Variants in SMG6 observed in about 807,000 individuals in gnomAD.
SMG6 encodes the protein SMG6 nonsense mediated mRNA decay factor, also known as telomerase-binding protein EST1A.
A neutral mutation model predicts 142.2 loss-of-function variants in SMG6; 66 were observed. That is an observed-to-expected ratio of 0.46 (90% CI 0.38 to 0.57). SMG6 has a LOEUF of 0.57. Among genes scored for constraint, SMG6 ranks in the 20% least tolerant of loss-of-function variants. SMG6 has a pLI of 0.00. For synonymous variants in SMG6, 779 were observed against 702.4 expected, an observed-to-expected ratio of 1.11 and a Z score of -1.72; for missense variants, 1,793 against 1,832.0, an observed-to-expected ratio of 0.98 and a Z score of 0.39.
rs753101952 is a variant in SMG6 at position 2,299,702 on chromosome 17, G to A, written c.1051C>T (p.Arg351Cys). The A allele has an allele frequency of 5.0e-6, 8 of 1,614,036 alleles. 1 individual carries two copies. Among genetic ancestry groups the A allele is most frequent in the African/African-American group, 2.7e-5 (2 of 74,918 alleles). Residue 351 changes from arginine (R) to cysteine (C), a missense_variant, in exon 2 of 19, where the codon CGT becomes TGT. Transcript: ENST00000263073. The surrounding 1 kb of genome is among the most constrained non-coding windows in gnomAD (Gnocchi z 4.3). ...NSAKEYRGTL[R>C]VTFDAEAMNK... ...ATGGCTTCTGCATCGAAAGTGACAC[G>A]AAGAGTGCCTCGATATTCTTTAGCA...
chr17:2,065,265 C>T (rs2067908008), intron 17 of SMG6, 111 bp from the exon 18 acceptor site: 12 of 1,051,942 alleles, frequency 1.1e-5, no homozygotes, highest in Non-Finnish European at 1.6e-5. Flanking sequence ...CTCCCCGATC[C>T]CTCCCATGCA....
At chr17:2,136,600 C>T (rs767020778) in intron 13 of SMG6, among the ~76,000 whole-genome samples, 5 of 152,088 alleles carry the variant, frequency 3.3e-5, no homozygotes, top group South Asian at 2.1e-4. Flanking sequence ...CACACGCATA[C>T]GCACACAGAG....
chr17:2,118,369 T>C (rs1229378234), intron 13 of SMG6, among the ~76,000 whole-genome samples: 1 of 152,060 alleles, frequency 6.6e-6, no homozygotes, highest in Non-Finnish European at 1.5e-5. Flanking sequence ...TGAAACCCCG[T>C]CTCTACTAAA....
chr17:2,100,220 TAGAGATGAGGTTTTGC>T (rs775626017), intron 13 of SMG6, among the ~76,000 whole-genome samples: 23 of 152,164 alleles, frequency 1.5e-4, no homozygotes, highest in Non-Finnish European at 3.2e-4. Flanking sequence ...GTATTTTTTG[TAGAGATGAGGTTTTGC>T]CATGTTGGCC....
At chr17:2,235,382 A>T (rs372631387) in intron 10 of SMG6, among the ~76,000 whole-genome samples, 2 of 152,176 alleles carry the variant, frequency 1.3e-5, no homozygotes, top group Admixed American at 6.5e-5. Context: ...TCCCAGAAAG[A>T]TCCGCATTTC....
Position 2,298,911 on chromosome 17 carries a change from T to G in SMG6, c.1842A>C (p.Gln614His). Reference protein sequence around the residue: ...ISPEGLEKMAQLRAELLQLYE... With the variant: ...ISPEGLEKMAHLRAELLQLYE... ...CAGAATAGACCACATCATACCTGAG[T>G]TGCGCCATCTTCTCCAGGCCCTCCG... is the stretch of plus-strand genomic sequence containing the variant. The change falls in exon 2 of 19, where the codon CAA becomes CAC. Residue 614 changes from glutamine to histidine, a missense_variant. By Grantham distance (24) the Gln-to-His change is conservative (BLOSUM62 0). This residue lies in a region of SMG6 where 1,597 missense variants were observed against 1,584.6 expected (regional missense o/e 1.01). Coordinates refer to ENST00000263073, the MANE Select transcript of SMG6 (RefSeq NM_017575.5). The G allele has an allele frequency of 6.2e-7, 1 of 1,612,420 alleles. No homozygotes were observed. The highest frequency in any genetic ancestry group is 8.5e-7 in the Non-Finnish European group (1 of 1,179,064).
chr17:2,176,975 C>A (rs2071670918), intron 12 of SMG6, among the ~76,000 whole-genome samples: 1 of 152,266 alleles, frequency 6.6e-6, no homozygotes, highest in Admixed American at 6.5e-5. Flanking sequence ...AGCTGCTGGC[C>A]GATACAATGC....
intron 7 of SMG6, among the ~76,000 whole-genome samples, chr17:2,283,320 A>T (rs547593829): frequency 1.3e-5 from 2 of 152,274 alleles, no homozygotes; most frequent in Non-Finnish European, 2.9e-5. Context: ...TCATATAGTT[A>T]TTAATTCTGT....
At chr17:2,213,524 C>T (rs1344315528) in intron 10 of SMG6, among the ~76,000 whole-genome samples, 1 of 152,150 alleles carries the variant, frequency 6.6e-6, no homozygotes, top group Non-Finnish European at 1.5e-5. Flanking sequence ...GTGTAATAAC[C>T]ATGGGCTGTA....
At chr17:2,203,807 A>G (rs2072601081) in intron 10 of SMG6, among the ~76,000 whole-genome samples, 1 of 152,212 alleles carries the variant, frequency 6.6e-6, no homozygotes, top group Admixed American at 6.5e-5. Flanking sequence ...GTGAAGCTTC[A>G]GGAGCACTTT....
chr17:2,226,412 T>C (rs573079312), intron 10 of SMG6, among the ~76,000 whole-genome samples: 3 of 149,838 alleles, frequency 2.0e-5, no homozygotes, highest in South Asian at 4.2e-4. Flanking sequence ...AACCCCGTCT[T>C]ACTAAATATA....
At position 2,216,702 on chromosome 17, in the gene SMG6, A is replaced by G. The variant is rs1567690507; in HGVS notation, c.2869+19790T>C. 2.0e-5 allele frequency among the ~76,000 whole-genome samples: 3 copies of G among 152,252 alleles called. No homozygotes were observed. The East Asian group carries it at 5.8e-4, about 29-fold the overall frequency. ...AGAATAAGCATCTAATTTTGGAGTT[A>G]GCCTTGAACATTGTTAGGAATTTGC... On this transcript the variant is annotated intron_variant, in intron 10 of 18. Coordinates refer to ENST00000263073, the MANE Select transcript of SMG6 (RefSeq NM_017575.5).
intron 13 of SMG6, among the ~76,000 whole-genome samples, chr17:2,098,786 A>C (rs1290903939): frequency 6.6e-6 from 1 of 151,866 alleles, no homozygotes; most frequent in Non-Finnish European, 1.5e-5. Flanking sequence ...ACCCGCCACC[A>C]TGTCCAACTA....
chr17:2,123,656 G>A (rs1431299504), intron 13 of SMG6, among the ~76,000 whole-genome samples: 1 of 152,120 alleles, frequency 6.6e-6, no homozygotes, highest in African/African-American at 2.4e-5. Context: ...AGACTACTAA[G>A]CTCTCTCCCA....
At position 2,068,764 on chromosome 17, in the gene SMG6, C is replaced by G; in HGVS notation, c.3835+14G>C. 1 of 1,612,780 alleles carries G rather than the reference C, an allele frequency of 6.2e-7. No individual in the cohort carries two copies. Among genetic ancestry groups the G allele is most frequent in the African/African-American group, 1.3e-5 (1 of 75,056 alleles). On this transcript the variant is annotated intron_variant, in intron 16 of 18. Coordinates refer to ENST00000263073, the MANE Select transcript of SMG6 (RefSeq NM_017575.5). This position sits in a 1 kb window ranked among gnomAD's most constrained non-coding sequence, Gnocchi z 6.7. ...GCACATGCAAGGCCGCTCTGCCCTT[C>G]CCGCCTGACTCACCGATGAGGGGCA...
intron 15 of SMG6, among the ~76,000 whole-genome samples, chr17:2,069,605 AAAC>A (rs761262255): frequency 7.9e-5 from 12 of 152,292 alleles, no homozygotes; most frequent in East Asian, 1.9e-4. Flanking sequence ...CAAAAAACAA[AAAC>A]AACAACAACA....
intron 8 of SMG6, among the ~76,000 whole-genome samples, chr17:2,274,056 C>T (rs1429882630): frequency 6.6e-6 from 1 of 152,186 alleles, no homozygotes; most frequent in Non-Finnish European, 1.5e-5. Flanking sequence ...GCCCACAGGC[C>T]AAATTCAATC....
chr17:2,215,219 A>ACACAC (rs1276432859), intron 10 of SMG6, among the ~76,000 whole-genome samples: 1 of 151,306 alleles, frequency 6.6e-6, no homozygotes, highest in Non-Finnish European at 1.5e-5. Context: ...ATAAACACAC[A>ACACAC]CACACGCGCG....
intron 13 of SMG6, among the ~76,000 whole-genome samples, chr17:2,149,502 G>GA (rs1244858845): frequency 6.6e-6 from 1 of 151,934 alleles, no homozygotes; most frequent in Non-Finnish European, 1.5e-5. Flanking sequence ...TCTGGTAGTT[G>GA]ACATTTTGCA....
Sources: gnomAD v4.1 joint callset for allele counts (sites outside exome capture counted in the v4.1 genomes callset) on GRCh38, gnomAD v4.1.1 for gene constraint, gnomAD v4.1.1 regional missense constraint, Gnocchi (gnomAD v3.1) non-coding constraint, MANE v1.5 for transcripts, NCBI Gene and HGNC (gene_info 2026-07-23, HGNC 2026-07-21) for gene names.